PLEKHG1: variants seen among roughly 807,000 people sequenced by gnomAD.
The protein encoded by PLEKHG1 is pleckstrin homology domain-containing family G member 1.
Under a neutral mutation model 100.8 loss-of-function variants are expected in PLEKHG1, and 44 were observed. The ratio of observed to expected loss-of-function variants is 0.44; its 90% CI spans 0.34 to 0.56. The LOEUF is 0.56. PLEKHG1 is among the 20% of genes least tolerant of loss of function. The probability of loss-of-function intolerance (pLI) is 0.01; values close to 1 mark genes in which losing one functional copy is unlikely to be tolerated. For missense variants in PLEKHG1, 1,545 were observed against 1,720.9 expected, an observed-to-expected ratio of 0.90 and a Z score of 1.81; for synonymous variants, 640 against 662.5, an observed-to-expected ratio of 0.97 and a Z score of 0.52.
intron 1 of PLEKHG1, among the ~76,000 whole-genome samples, chr6:150,632,115 C>T (rs1029769490): frequency 2.6e-5 from 4 of 152,176 alleles, no homozygotes; most frequent in Non-Finnish European, 5.9e-5. Flanking sequence ...TTAAAATTTG[C>T]TCCTAAAAAT....
At chr6:150,640,469 A>G (rs893672059) in intron 2 of PLEKHG1, among the ~76,000 whole-genome samples, 3 of 152,232 alleles carry the variant, frequency 2.0e-5, no homozygotes, top group African/African-American at 7.2e-5. Context: ...CTGGGTCCTC[A>G]TTCTTCCTGT....
In PLEKHG1 at chr6:150,831,814, G is replaced by A. The variant is rs372363017; in HGVS notation, c.2703G>A (p.Thr901=). ...TGCCTGAGAGCCAGGCTCTCCTCACGCCCGTGAAGAGCAGGGCTGGCAGAG... is the reference window on the plus strand; with the variant it reads ...TGCCTGAGAGCCAGGCTCTCCTCACACCCGTGAAGAGCAGGGCTGGCAGAG... The change falls in exon 15 of 16, where the codon ACG becomes ACA. Residue 901 remains threonine (T), a synonymous_variant. Coordinates refer to ENST00000358517, the Ensembl canonical transcript of PLEKHG1. The surrounding 1 kb of genome is among the most constrained non-coding windows in gnomAD (Gnocchi z 4.1). The A allele has an allele frequency of 1.4e-5, 23 of 1,612,196 alleles. No homozygotes were observed. The highest frequency in any genetic ancestry group is 5.3e-5 in the African/African-American group (4 of 74,874).
At chr6:150,784,834 G>A (rs6915418) in intron 3 of PLEKHG1, among the ~76,000 whole-genome samples, 37,621 of 151,978 alleles carry the variant, frequency 0.25, 4,962 homozygotes, top group East Asian at 0.39. Flanking sequence ...TGAAATCATA[G>A]TATACTCTGA....
At chr6:150,843,031 GGT>G (rs1156645182) in exon 16 of PLEKHG1, 1 of 152,134 alleles carries the variant, frequency 6.6e-6, no homozygotes, top group East Asian at 1.9e-4. Flanking sequence ...TGTTTTTAGA[GGT>G]GTGTGTAAGT....
At chr6:150,675,513 T>G (rs936213038) in intron 3 of PLEKHG1, among the ~76,000 whole-genome samples, 5 of 152,256 alleles carry the variant, frequency 3.3e-5, no homozygotes, top group African/African-American at 7.2e-5. Context: ...TCAGTTATAT[T>G]TGGAGGGTCT....
chr6:150,822,778 G>A (rs1431900532), intron 13 of PLEKHG1, among the ~76,000 whole-genome samples: 3 of 152,130 alleles, frequency 2.0e-5, no homozygotes, highest in East Asian at 1.9e-4. Context: ...TCAGGAGTTC[G>A]TGACCAACCT....
chr6:150,834,921 G>A (rs1046198946), intron 15 of PLEKHG1, among the ~76,000 whole-genome samples: 33 of 152,130 alleles, frequency 2.2e-4, no homozygotes, highest in African/African-American at 7.0e-4. Context: ...TGCCCACTAG[G>A]CTTTCCGTCA....
At chr6:150,727,780 G>T (rs1189865926) in intron 1 of PLEKHG1, among the ~76,000 whole-genome samples, 1 of 152,110 alleles carries the variant, frequency 6.6e-6, no homozygotes, top group Non-Finnish European at 1.5e-5. Flanking sequence ...GCTTATTTTA[G>T]GGTCAAAAGA....
At chr6:150,619,295 G>A (rs6902794) in intron 1 of PLEKHG1, among the ~76,000 whole-genome samples, 3,104 of 152,154 alleles carry the variant, frequency 0.02, 90 homozygotes, top group African/African-American at 0.07. Context: ...CCCTGCCTGC[G>A]TTCGCCTTTC....
At chr6:150,815,693 A>G (rs531829124) in intron 10 of PLEKHG1, among the ~76,000 whole-genome samples, 1 of 152,320 alleles carries the variant, frequency 6.6e-6, no homozygotes, top group East Asian at 1.9e-4. Context: ...CAAGCCCCAC[A>G]CTTTTTCACT....
chr6:150,707,283 T>C (rs1781061819), intron 3 of PLEKHG1, among the ~76,000 whole-genome samples: 2 of 152,082 alleles, frequency 1.3e-5, no homozygotes, highest in Non-Finnish European at 2.9e-5. Flanking sequence ...GGATTACAGG[T>C]GTGAGCCACC....
intron 5 of PLEKHG1, among the ~76,000 whole-genome samples, chr6:150,799,313 C>T (rs1345793690): frequency 6.6e-6 from 1 of 152,154 alleles, no homozygotes; most frequent in East Asian, 1.9e-4. Flanking sequence ...CCTTTGGATC[C>T]TGTCTGGTGA....
chr6:150,799,068 A>T (rs1562528007), intron 5 of PLEKHG1, among the ~76,000 whole-genome samples: 5 of 151,832 alleles, frequency 3.3e-5, no homozygotes, highest in Middle Eastern at 3.4e-3. Context: ...AAAAAAAAAA[A>T]TTGAGTCTGA....
intron 5 of PLEKHG1, among the ~76,000 whole-genome samples, chr6:150,796,236 T>A (rs986370642): frequency 6.6e-6 from 1 of 152,204 alleles, no homozygotes; most frequent in African/African-American, 2.4e-5. Context: ...GTGTGTCATG[T>A]TTTTAAGAAT....
chr6:150,778,300 G>A (rs1785107022), intron 3 of PLEKHG1, among the ~76,000 whole-genome samples: 2 of 152,128 alleles, frequency 1.3e-5, no homozygotes, highest in Non-Finnish European at 2.9e-5. Context: ...GCTAATTTTT[G>A]TATTTTTAGT....
At chr6:150,789,330 G>A (rs372279976) in intron 4 of PLEKHG1, among the ~76,000 whole-genome samples, 21 of 152,238 alleles carry the variant, frequency 1.4e-4, no homozygotes, top group South Asian at 6.2e-4. Context: ...CTTCTAAGCC[G>A]ATTTGGGGTG....
chr6:150,832,126 G>A (rs765211450), exon 15 of PLEKHG1: 11 of 1,613,816 alleles, frequency 6.8e-6, no homozygotes, highest in South Asian at 3.3e-5. Context: ...AGCAGCCGCC[G>A]GCCAGTCAGC....
At chr6:150,758,703 T>C (rs1435547176) in intron 2 of PLEKHG1, among the ~76,000 whole-genome samples, 1 of 152,232 alleles carries the variant, frequency 6.6e-6, no homozygotes, top group Non-Finnish European at 1.5e-5. Flanking sequence ...GGTTTTGATT[T>C]GCATTTCTCT....
intron 1 of PLEKHG1, among the ~76,000 whole-genome samples, chr6:150,630,171 C>T (rs2128561189): frequency 6.6e-6 from 1 of 152,304 alleles, no homozygotes; most frequent in East Asian, 1.9e-4. Flanking sequence ...GGGAATAGGT[C>T]CTGGTTAAAA....
Sources: gnomAD v4.1 joint callset for allele counts (sites outside exome capture counted in the v4.1 genomes callset) on GRCh38, gnomAD v4.1.1 for gene constraint, Gnocchi (gnomAD v3.1) non-coding constraint, MANE v1.5 for transcripts, NCBI Gene and HGNC (gene_info 2026-07-23, HGNC 2026-07-21) for gene names.